SULT1B1: variants seen among roughly 807,000 people sequenced by gnomAD.
SULT1B1 encodes sulfotransferase family 1B member 1.
SULT1B1 carries 28 observed loss-of-function variants against 34.6 expected under a neutral mutation model. The observed-to-expected ratio is 0.81, with a 90% confidence interval of 0.60 to 1.11. The LOEUF (loss-of-function observed/expected upper bound fraction) is 1.11. SULT1B1 is among the 50% of genes least tolerant of loss of function. The probability of loss-of-function intolerance (pLI) is 0.00; values close to 1 mark genes in which losing one functional copy is unlikely to be tolerated. For synonymous variants in SULT1B1, 147 were observed against 110.2 expected (o/e 1.33, Z -2.09); for missense variants, 374 against 352.2 (o/e 1.06, Z -0.50).
rs1205629611 is a variant in SULT1B1 at position 69,724,937 on chromosome 4, A to T, written c.*2151T>A. The T allele has an allele frequency of 6.6e-6, 1 of 152,120 alleles. No individual in the cohort carries two copies. Among genetic ancestry groups the T allele is most frequent in the African/African-American group, 2.4e-5 (1 of 41,418 alleles). The allele number at this position is 152,120 out of a possible 1,614,324, so 9.4% of individuals were successfully genotyped here. A position where few individuals can be genotyped will look rare whatever the true frequency, so the allele number is the denominator to read the frequency against. ...AAAACCCTAGAAGAAAACCTAGGCAATATCATTCAGGACATAGGCATGGGC... is the reference window on the plus strand; with the variant it reads ...AAAACCCTAGAAGAAAACCTAGGCATTATCATTCAGGACATAGGCATGGGC... On this transcript the variant is annotated 3_prime_UTR_variant, in exon 8 of 8. Coordinates refer to ENST00000310613, the MANE Select transcript of SULT1B1 (RefSeq NM_014465.4).
intron 4 of SULT1B1, 74 bp from the exon 5 acceptor site, chr4:69,734,338 C>G (rs528301928): frequency 1.3e-6 from 2 of 1,493,900 alleles, no homozygotes; most frequent in Non-Finnish European, 9.0e-7. Context: ...TTAACCTATA[C>G]GCATGTAAAA....
intron 2 of SULT1B1, 86 bp from the exon 3 acceptor site, chr4:69,754,884 A>T (rs564218936): frequency 6.8e-7 from 1 of 1,462,082 alleles, no homozygotes; most frequent in East Asian, 2.3e-5. Flanking sequence ...TACCATCTTA[A>T]CACATTCTAT....
intron 3 of SULT1B1, among the ~76,000 whole-genome samples, chr4:69,750,301 T>G (rs1012850962): frequency 2.6e-5 from 4 of 152,168 alleles, no homozygotes; most frequent in African/African-American, 9.7e-5. Flanking sequence ...ATCAGCTGTT[T>G]TATCTATATT....
chr4:69,755,030 A>T (rs1431730454), intron 2 of SULT1B1, 40 bp downstream of exon 2: 2 of 1,537,988 alleles, frequency 1.3e-6, no homozygotes, highest in Non-Finnish European at 1.8e-6. Flanking sequence ...GGAAACAAAA[A>T]ATGAGGTCGG....
intron 1 of SULT1B1, among the ~76,000 whole-genome samples, chr4:69,756,048 G>A (rs1719177027): frequency 6.6e-6 from 1 of 151,930 alleles, no homozygotes; most frequent in Admixed American, 6.6e-5. Flanking sequence ...CTTTTCTTCT[G>A]CAATGTTTAA....
intron 1 of SULT1B1, 108 bp from the exon 2 acceptor site, chr4:69,755,369 G>T: frequency 1.3e-6 from 1 of 759,234 alleles, no homozygotes; most frequent in Non-Finnish European, 2.1e-6. Flanking sequence ...CTGCGCACAT[G>T]GAGATCTAAG....
rs1011187850 is a variant in SULT1B1 at position 69,724,064 on chromosome 4, A to G, written c.*3024T>C. On this transcript the variant is annotated 3_prime_UTR_variant, in exon 8 of 8. Transcript: ENST00000310613. ...AGAAAGAAATAAAGGGTATTCAATTAGGAGAAGAGGAAGTCAAATTGTCCC... is the reference window on the plus strand; with the variant it reads ...AGAAAGAAATAAAGGGTATTCAATTGGGAGAAGAGGAAGTCAAATTGTCCC... 9 of 152,352 alleles carry G rather than the reference A, an allele frequency of 5.9e-5. No individual in the cohort carries two copies. The highest frequency in any genetic ancestry group is 8.8e-5 in the Non-Finnish European group (6 of 68,038). The allele number at this position is 152,352 out of a possible 1,614,324, so 9.4% of individuals were successfully genotyped here. A position where few individuals can be genotyped will look rare whatever the true frequency, so the allele number is the denominator to read the frequency against.
chr4:69,737,504 A>G (rs1718364376), intron 4 of SULT1B1, among the ~76,000 whole-genome samples: 1 of 152,218 alleles, frequency 6.6e-6, no homozygotes, highest in African/African-American at 2.4e-5. Flanking sequence ...GGCAAAAGTT[A>G]CATTATCTGA....
chr4:69,750,932 TA>T (rs1718957786), intron 3 of SULT1B1, among the ~76,000 whole-genome samples: 1 of 152,170 alleles, frequency 6.6e-6, no homozygotes, highest in Non-Finnish European at 1.5e-5. Flanking sequence ...TACAGGAAAT[TA>T]AAAAATGTGA....
At chr4:69,737,829 A>G (rs1274972830) in intron 4 of SULT1B1, among the ~76,000 whole-genome samples, 1 of 152,252 alleles carries the variant, frequency 6.6e-6, no homozygotes, top group Non-Finnish European at 1.5e-5. Flanking sequence ...CGTGATAAAT[A>G]TAAGTCCTAA....
At position 69,726,033 on chromosome 4, in the gene SULT1B1, CATATATAT is replaced by C. The variant is rs756017821; in HGVS notation, c.*1047_*1054del. 0.046 allele frequency: 1,330 copies of C among 28,928 alleles called. 32 individuals carry two copies. The highest frequency in any genetic ancestry group is 0.083 in the Non-Finnish European group (983 of 11,908). The allele number at this position is 28,928 out of a possible 1,614,324, so 1.8% of individuals were successfully genotyped here. A position where few individuals can be genotyped will look rare whatever the true frequency, so the allele number is the denominator to read the frequency against. On this transcript the variant is annotated 3_prime_UTR_variant, in exon 8 of 8. Coordinates refer to ENST00000310613, the MANE Select transcript of SULT1B1 (RefSeq NM_014465.4). Reference sequence around the variant, plus strand: ...ACTTAAAGTATAATAATAAAATGTACATATATATATATATATATATATATATATATATA... The same window carrying C: ...ACTTAAAGTATAATAATAAAATGTACATATATATATATATATATATATATA...
At chr4:69,737,034 A>AG (rs1718347468) in intron 4 of SULT1B1, among the ~76,000 whole-genome samples, 1 of 151,818 alleles carries the variant, frequency 6.6e-6, no homozygotes, top group African/African-American at 2.4e-5. Flanking sequence ...GAAAAAAAAA[A>AG]CTATGTCAAG....
chr4:69,737,793 C>T (rs968002081), intron 4 of SULT1B1, among the ~76,000 whole-genome samples: 6 of 152,090 alleles, frequency 3.9e-5, no homozygotes, highest in Admixed American at 2.0e-4. Context: ...AGAAAATAAA[C>T]GAGATATGAA....
At position 69,721,369 on chromosome 4, in the gene SULT1B1, C is replaced by G. The variant is rs1307846347; in HGVS notation, c.*5719G>C. On this transcript the variant is annotated 3_prime_UTR_variant, in exon 8 of 8. Coordinates refer to ENST00000310613, the MANE Select transcript of SULT1B1 (RefSeq NM_014465.4). ...ATGGGTCATTGATAACCACCAGTAT[C>G]TCTCTTTTTCCCCGGCCTTTCCCAG... The G allele has an allele frequency of 6.6e-6, 1 of 152,102 alleles. No homozygotes were observed. Among genetic ancestry groups the G allele is most frequent in the African/African-American group, 2.4e-5 (1 of 41,444 alleles). The allele number at this position is 152,102 out of a possible 1,614,324, so 9.4% of individuals were successfully genotyped here.
chr4:69,730,632 A>C lies in SULT1B1; in HGVS notation c.647T>G (p.Leu216Arg). ...GATCCTATCCAAGATCTCATCATTC[A>C]GGTTCTTCTCTAGAAATCTAATGAT... is the stretch of plus-strand genomic sequence containing the variant. ...KKIIRFLEKNLNDEILDRIIH... is the reference protein window; with the variant it reads ...KKIIRFLEKNRNDEILDRIIH... Residue 216 changes from leucine (L) to arginine (R), a missense_variant, in exon 7 of 8, where the codon CTG (leucine) becomes CGG (arginine). Coordinates refer to ENST00000310613, the MANE Select transcript of SULT1B1 (RefSeq NM_014465.4). 6.2e-7 allele frequency: 1 copy of C among 1,613,140 alleles called. No individual in the cohort carries two copies. The highest frequency in any genetic ancestry group is 8.5e-7 in the Non-Finnish European group (1 of 1,179,676).
At position 69,725,203 on chromosome 4, in the gene SULT1B1, G is replaced by A. The variant is rs1198896821; in HGVS notation, c.*1885C>T. The A allele has an allele frequency of 9.2e-5, 14 of 151,898 alleles. No homozygotes were observed. Among genetic ancestry groups the A allele is most frequent in the Admixed American group, 8.5e-4 (13 of 15,242 alleles). 9.4% of individuals were successfully genotyped at this position (151,898 alleles called of 1,614,324 possible). On this transcript the variant is annotated 3_prime_UTR_variant, in exon 8 of 8. Transcript: ENST00000310613. ...AAAAAAAACAACCCCATCAACAAGTGTGCAAAGAATATGAACAGATACTTC... is the reference window on the plus strand; with the variant it reads ...AAAAAAAACAACCCCATCAACAAGTATGCAAAGAATATGAACAGATACTTC...
At chr4:69,733,637 TA>T (rs1369766578) in intron 5 of SULT1B1, 130 bp from the exon 6 acceptor site, 5 of 616,436 alleles carry the variant, frequency 8.1e-6, no homozygotes, top group African/African-American at 5.8e-5. Context: ...AGGACAATCT[TA>T]AAAAGTAAAA....
At position 69,741,026 on chromosome 4, in the gene SULT1B1, C is replaced by T. The variant is rs543651315; in HGVS notation, c.376-6762G>A. Among the ~76,000 whole-genome samples the T allele has an allele frequency of 9.2e-4, 140 of 152,216 alleles. 1 individual carries two copies. The highest frequency in any genetic ancestry group is 3.4e-3 in the Middle Eastern group (1 of 294). On this transcript the variant is annotated intron_variant, in intron 4 of 7. Coordinates refer to ENST00000310613, the MANE Select transcript of SULT1B1 (RefSeq NM_014465.4). Reference sequence around the variant, plus strand: ...TGGGTTTTTATAGTTTTTGGTAATACATTCAAGTCTTTAATCAATCTTCAG... The same window carrying T: ...TGGGTTTTTATAGTTTTTGGTAATATATTCAAGTCTTTAATCAATCTTCAG...
rs926934701 is a variant in SULT1B1 at position 69,726,646 on chromosome 4, C to G, written c.*442G>C. On this transcript the variant is annotated 3_prime_UTR_variant, in exon 8 of 8. Transcript: ENST00000310613. ...AAACTCGGTAGACAGCAGTGGAACACAGTGTCCTGGGTCAAATTTTCGGCA... is the reference window on the plus strand; with the variant it reads ...AAACTCGGTAGACAGCAGTGGAACAGAGTGTCCTGGGTCAAATTTTCGGCA... 6.6e-6 allele frequency: 1 copy of G among 152,334 alleles called. No individual in the cohort carries two copies. Among genetic ancestry groups the G allele is most frequent in the Non-Finnish European group, 1.5e-5 (1 of 68,242 alleles). The allele number at this position is 152,334 out of a possible 1,614,324, so 9.4% of individuals were successfully genotyped here. A position where few individuals can be genotyped will look rare whatever the true frequency, so the allele number is the denominator to read the frequency against.
Sources: gnomAD v4.1 joint callset for allele counts (sites outside exome capture counted in the v4.1 genomes callset) on GRCh38, gnomAD v4.1.1 for gene constraint, MANE v1.5 for transcripts, NCBI Gene and HGNC (gene_info 2026-07-23, HGNC 2026-07-21) for gene names.